CCDC3: variants seen among roughly 807,000 people sequenced by gnomAD.
CCDC3 encodes coiled-coil domain-containing protein 3.
A neutral mutation model predicts 21.4 loss-of-function variants in CCDC3; 24 were observed. That is an observed-to-expected ratio of 1.12 (90% CI 0.81 to 1.58). The LOEUF is 1.58. CCDC3 is among the 40% of genes most tolerant of loss of function. The probability of loss-of-function intolerance (pLI) is 0.00; values close to 1 mark genes in which losing one functional copy is unlikely to be tolerated. For synonymous variants in CCDC3, 186 were observed against 166.0 expected (o/e 1.12, Z -0.93); for missense variants, 425 against 360.9 (o/e 1.18, Z -1.44).
chr10:12,949,237 C>T (rs963369545), intron 2 of CCDC3, among the ~76,000 whole-genome samples: 2 of 152,178 alleles, frequency 1.3e-5, no homozygotes, highest in African/African-American at 4.8e-5. Flanking sequence ...GAATAAAGAC[C>T]ACATATCCCA....
intron 2 of CCDC3, 132 bp from the exon 3 acceptor site, chr10:12,898,811 A>G: frequency 9.4e-7 from 1 of 1,059,754 alleles, no homozygotes; most frequent in Non-Finnish European, 1.3e-6. Flanking sequence ...GCATGGGCAT[A>G]AACCCCAGGA....
At chr10:12,962,229 G>C (rs1436773529) in intron 2 of CCDC3, among the ~76,000 whole-genome samples, 1 of 152,200 alleles carries the variant, frequency 6.6e-6, no homozygotes, top group Non-Finnish European at 1.5e-5. Context: ...TTGCATTCAA[G>C]AAAAACACGT....
chr10:13,001,508 GGCGCGC>G lies in CCDC3; in HGVS notation c.57_62del (p.Arg20_Ala21del), dbSNP rs1030094570. 3.8e-6 allele frequency: 5 copies of G among 1,328,262 alleles called. No individual in the cohort carries two copies. Among genetic ancestry groups the G allele is most frequent in the African/African-American group, 3.1e-5 (2 of 64,744 alleles). The allele number at this position is 1,328,262 out of a possible 1,614,324, so 82.3% of individuals were successfully genotyped here. On this transcript the variant is annotated inframe_deletion, in exon 1 of 3. Coordinates refer to ENST00000378825, the MANE Select transcript of CCDC3 (RefSeq NM_031455.4). ...GCCTCCACTCGGAGGGCAGCTGGCA[GGCGCGC>G]GCGGGCGCTGGGGGACCCGCCAGGC...
At chr10:13,073,332 ATG>A (rs1276705634) in intron 4 of CCDC3, among the ~76,000 whole-genome samples, 5 of 151,760 alleles carry the variant, frequency 3.3e-5, no homozygotes, top group African/African-American at 7.2e-5. Flanking sequence ...CCTTCTTGGA[ATG>A]TCTCAGGACA....
rs190050669 is a variant in CCDC3 at position 12,899,807 on chromosome 10, C to T, written c.550-1128G>A. 1.6e-3 allele frequency among the ~76,000 whole-genome samples: 245 copies of T among 152,242 alleles called. 1 individual carries two copies. Among genetic ancestry groups the T allele is most frequent in the African/African-American group, 5.4e-3 (226 of 41,532 alleles). ...AGAAACGGGTAAGGGTGGCCATATCCGGGGAGCAGAGAAGACAGGAAGAAG... is the reference window on the plus strand; with the variant it reads ...AGAAACGGGTAAGGGTGGCCATATCTGGGGAGCAGAGAAGACAGGAAGAAG... On this transcript the variant is annotated intron_variant, in intron 2 of 2. Transcript: ENST00000378825.
At chr10:12,975,149 T>C (rs1282239822) in intron 2 of CCDC3, among the ~76,000 whole-genome samples, 1 of 152,144 alleles carries the variant, frequency 6.6e-6, no homozygotes, top group Non-Finnish European at 1.5e-5. Flanking sequence ...TAAATTAGTG[T>C]TGTGGGCTCA....
At chr10:13,031,405 A>C (rs1249081658) in intron 5 of CCDC3, among the ~76,000 whole-genome samples, 1 of 152,230 alleles carries the variant, frequency 6.6e-6, no homozygotes, top group African/African-American at 2.4e-5. Flanking sequence ...AAAGATCTAA[A>C]ATTGACACCC....
At chr10:13,045,368 C>CAA (rs1836510868) in intron 5 of CCDC3, among the ~76,000 whole-genome samples, 1 of 152,110 alleles carries the variant, frequency 6.6e-6, no homozygotes, top group Non-Finnish European at 1.5e-5. Context: ...TGGCTGGGCG[C>CAA]GGTGGCTCAT....
intron 2 of CCDC3, among the ~76,000 whole-genome samples, chr10:12,976,335 C>T (rs772929061): frequency 1.4e-4 from 22 of 152,204 alleles, no homozygotes; most frequent in Non-Finnish European, 2.8e-4. Flanking sequence ...ATCTACTGAG[C>T]AATTACTACT....
At chr10:13,072,269 A>G in intron 4 of CCDC3, among the ~76,000 whole-genome samples, 1 of 152,168 alleles carries the variant, frequency 6.6e-6, no homozygotes, top group Non-Finnish European at 1.5e-5. Context: ...GGATACTTAG[A>G]TAAGCCTCTG....
At chr10:13,065,378 T>C (rs865869390) in intron 4 of CCDC3, among the ~76,000 whole-genome samples, 4 of 152,244 alleles carry the variant, frequency 2.6e-5, no homozygotes, top group Middle Eastern at 3.4e-3. Flanking sequence ...ATCAACTTAT[T>C]AGCATAAAAA....
At chr10:12,999,177 A>G (rs1407388685) in intron 1 of CCDC3, among the ~76,000 whole-genome samples, 1 of 152,168 alleles carries the variant, frequency 6.6e-6, no homozygotes, top group African/African-American at 2.4e-5. Context: ...GAGGCGGAGG[A>G]TGCAGTGAGC....
At chr10:13,095,436 TG>T (rs200865105) in intron 3 of CCDC3, among the ~76,000 whole-genome samples, 2 of 133,584 alleles carry the variant, frequency 1.5e-5, no homozygotes, top group African/African-American at 5.6e-5. Context: ...TGGTGGTGGG[TG>T]GGGGGGTGGT....
chr10:12,960,257 T>C (rs1835161407), intron 2 of CCDC3, among the ~76,000 whole-genome samples: 2 of 152,062 alleles, frequency 1.3e-5, no homozygotes, highest in Admixed American at 1.3e-4. Flanking sequence ...AGACAGACTT[T>C]TGAGTATCTT....
At chr10:12,977,958 CAAT>C (rs1835440337) in intron 2 of CCDC3, among the ~76,000 whole-genome samples, 1 of 151,898 alleles carries the variant, frequency 6.6e-6, no homozygotes, top group Non-Finnish European at 1.5e-5. Flanking sequence ...CAGATGGTGT[CAAT>C]GATGTGGTTT....
intron 2 of CCDC3, among the ~76,000 whole-genome samples, chr10:12,899,326 G>A (rs1172992092): frequency 6.6e-6 from 1 of 152,098 alleles, no homozygotes; most frequent in African/African-American, 2.4e-5. Context: ...ATATTAGATT[G>A]GCAAAATTTC....
At chr10:13,076,067 A>G (rs535991984) in intron 3 of CCDC3, among the ~76,000 whole-genome samples, 5 of 152,176 alleles carry the variant, frequency 3.3e-5, no homozygotes, top group East Asian at 3.9e-4. Flanking sequence ...ATCTTAAAAC[A>G]AGCAAACAAA....
At chr10:12,978,606 A>T (rs1051119449) in intron 2 of CCDC3, among the ~76,000 whole-genome samples, 4 of 152,080 alleles carry the variant, frequency 2.6e-5, no homozygotes, top group African/African-American at 9.7e-5. Flanking sequence ...GCAGGAGGCC[A>T]ACCTGGGGTC....
intron 3 of CCDC3, among the ~76,000 whole-genome samples, chr10:13,096,369 G>C (rs1832629367): frequency 6.6e-6 from 1 of 152,080 alleles, no homozygotes; most frequent in South Asian, 2.1e-4. Context: ...ATTTTTAGTA[G>C]AGATAGGGTT....
Sources: allele counts gnomAD v4.1 joint callset (sites outside exome capture counted in the v4.1 genomes callset), GRCh38; gene constraint gnomAD v4.1.1; transcripts MANE v1.5; gene names NCBI Gene and HGNC (gene_info 2026-07-23, HGNC 2026-07-21).